SNX18: variants seen among roughly 807,000 people sequenced by gnomAD.
The protein encoded by SNX18 is sorting nexin 18.
SNX18 carries 35 observed loss-of-function variants against 48.7 expected under a neutral mutation model. The observed-to-expected ratio is 0.72, with a 90% CI of 0.55 to 0.95. The LOEUF (loss-of-function observed/expected upper bound fraction) is 0.95, where lower values mean the gene tolerates loss of function less well. Among genes scored for constraint, SNX18 ranks in the 40% least tolerant of loss-of-function variants. The probability of loss-of-function intolerance (pLI) is 0.00; values close to 1 mark genes in which losing one functional copy is unlikely to be tolerated. For synonymous variants in SNX18, 492 were observed against 384.7 expected, an observed-to-expected ratio of 1.28 and a Z score of -3.26; for missense variants, 824 against 871.0, an observed-to-expected ratio of 0.95 and a Z score of 0.68.
the SNX18 span, among the ~76,000 whole-genome samples, chr5:54,584,213 G>A: frequency 1.3e-5 from 2 of 151,912 alleles, no homozygotes; most frequent in Non-Finnish European, 2.9e-5. Context: ...AGCACATCTG[G>A]TTAATTTTTT....
rs1048379768 is a variant in SNX18, at chr5:54,519,504, G to T, written c.1552G>T (p.Val518Phe). The T allele has an allele frequency of 6.2e-7, 1 of 1,614,218 alleles. No homozygotes were observed. Among genetic ancestry groups the T allele is most frequent in the Non-Finnish European group, 8.5e-7 (1 of 1,180,042 alleles). The change falls in exon 1 of 2, where the codon GTC becomes TTC. Residue 518 changes from valine to phenylalanine, a missense_variant. Coordinates refer to ENST00000381410, the MANE Select transcript of SNX18 (RefSeq NM_001102575.2). The stretch of plus-strand genomic sequence containing the variant: ...GCAGCCCAGGCAGGACCTGGATCCC[G>T]TCATGGACCTATTAGCGCTGTATCA... ...AEQPRQDLDP[V>F]MDLLALYQGH...
chr5:54,584,950 C>G, the SNX18 span, among the ~76,000 whole-genome samples: 1 of 152,138 alleles, frequency 6.6e-6, no homozygotes, highest in African/African-American at 2.4e-5. Context: ...ATGTGGCCGA[C>G]GTGTTTGCCA....
At chr5:54,529,410 A>G (rs1024959302) in intron 1 of SNX18, among the ~76,000 whole-genome samples, 9 of 152,178 alleles carry the variant, frequency 5.9e-5, no homozygotes, top group African/African-American at 2.2e-4. Context: ...TTGTATTTTT[A>G]AATGATTCTG....
the SNX18 span, among the ~76,000 whole-genome samples, chr5:54,604,962 C>G: frequency 6.6e-6 from 1 of 151,964 alleles, no homozygotes; most frequent in South Asian, 2.1e-4. Flanking sequence ...AAGCAGTCCC[C>G]GAATATGAAA....
the SNX18 span, among the ~76,000 whole-genome samples, chr5:54,580,959 C>T: frequency 2.6e-5 from 4 of 151,956 alleles, no homozygotes; most frequent in Non-Finnish European, 5.9e-5. Context: ...AGGGGTTCTT[C>T]AGAGAAGGGC....
At chr5:54,597,638 C>A in the SNX18 span, among the ~76,000 whole-genome samples, 1 of 152,186 alleles carries the variant, frequency 6.6e-6, no homozygotes, top group Non-Finnish European at 1.5e-5. Flanking sequence ...TCCTGAATGA[C>A]TCCTTAGTAA....
chr5:54,633,225 T>C, the SNX18 span, among the ~76,000 whole-genome samples: 1 of 152,166 alleles, frequency 6.6e-6, no homozygotes, highest in Non-Finnish European at 1.5e-5. Flanking sequence ...GAGTCCTTTG[T>C]CCTAGATCAG....
the SNX18 span, among the ~76,000 whole-genome samples, chr5:54,580,066 T>A: frequency 6.6e-6 from 1 of 151,950 alleles, no homozygotes; most frequent in African/African-American, 2.4e-5. Context: ...CTGAAGTGCA[T>A]TAGAGGGTGT....
the SNX18 span, among the ~76,000 whole-genome samples, chr5:54,647,578 G>A: frequency 6.6e-6 from 1 of 152,088 alleles, no homozygotes; most frequent in Non-Finnish European, 1.5e-5. Context: ...TGAGAGGAAG[G>A]GGAGGTAGGC....
At chr5:54,603,546 G>A in the SNX18 span, among the ~76,000 whole-genome samples, 1 of 152,228 alleles carries the variant, frequency 6.6e-6, no homozygotes, top group Admixed American at 6.5e-5. Flanking sequence ...ATTCCCAGAG[G>A]AAGATGATGT....
chr5:54,559,219 A>T, the SNX18 span, among the ~76,000 whole-genome samples: 1 of 152,208 alleles, frequency 6.6e-6, no homozygotes, highest in Non-Finnish European at 1.5e-5. Flanking sequence ...ACTAGATAAA[A>T]CTATTTTAAA....
chr5:54,560,313 G>T, the SNX18 span, among the ~76,000 whole-genome samples: 3 of 152,316 alleles, frequency 2.0e-5, no homozygotes, highest in South Asian at 2.1e-4. Flanking sequence ...ATGACATCAT[G>T]TCCTTTGCAG....
At chr5:54,626,639 T>C in the SNX18 span, among the ~76,000 whole-genome samples, 2 of 152,254 alleles carry the variant, frequency 1.3e-5, no homozygotes, top group African/African-American at 4.8e-5. Context: ...TCTAGAGACA[T>C]ATTTGGTTGT....
the SNX18 span, among the ~76,000 whole-genome samples, chr5:54,562,274 C>T: frequency 1.3e-5 from 2 of 152,092 alleles, no homozygotes; most frequent in South Asian, 4.1e-4. Flanking sequence ...GTCTTCAGAA[C>T]CTTTTCTTAA....
chr5:54,587,105 G>C, the SNX18 span, among the ~76,000 whole-genome samples: 4 of 151,800 alleles, frequency 2.6e-5, no homozygotes, highest in African/African-American at 4.8e-5. Flanking sequence ...GGGATATTCA[G>C]CTTTTGGGGA....
the SNX18 span, among the ~76,000 whole-genome samples, chr5:54,607,541 C>T: frequency 6.6e-6 from 1 of 152,126 alleles, no homozygotes; most frequent in Non-Finnish European, 1.5e-5. Flanking sequence ...AATTTGTTGC[C>T]TGTATAGTAT....
rs1337025950 is a variant in SNX18 at position 54,518,205 on chromosome 5, G to T, written c.253G>T (p.Gly85Cys). 3 of 1,398,214 alleles carry T rather than the reference G, an allele frequency of 2.1e-6. No individual in the cohort carries two copies. Among genetic ancestry groups the T allele is most frequent in the Non-Finnish European group, 1.8e-6 (2 of 1,086,020 alleles). 86.6% of individuals were successfully genotyped at this position (1,398,214 alleles called of 1,614,324 possible). A position where few individuals can be genotyped will look rare whatever the true frequency, so the allele number is the denominator to read the frequency against. ...PARYANVPPG[G>C]FEPLPVAPPA... is the part of the protein sequence containing the mutation. The stretch of plus-strand genomic sequence containing the variant: ...CCGCTACGCCAATGTGCCCCCCGGG[G>T]GCTTCGAGCCCCTGCCTGTCGCGCC... Residue 85 changes from glycine (G) to cysteine (C), a missense_variant, in exon 1 of 2, where the codon GGC becomes TGC. Around this residue, in one of 3 missense-constraint regions of SNX18, gnomAD observed 377 missense variants for 350.6 expected, o/e 1.08. Coordinates refer to ENST00000381410, the MANE Select transcript of SNX18 (RefSeq NM_001102575.2).
chr5:54,600,092 G>A, the SNX18 span, among the ~76,000 whole-genome samples: 4 of 152,104 alleles, frequency 2.6e-5, no homozygotes, highest in Admixed American at 2.0e-4. Flanking sequence ...TCCAACAAAG[G>A]TCTAATATCC....
chr5:54,634,483 C>G, the SNX18 span, among the ~76,000 whole-genome samples: 5 of 152,096 alleles, frequency 3.3e-5, no homozygotes, highest in South Asian at 1.0e-3. Context: ...GAATGTGGCC[C>G]AACACAATTT....
Sources: gnomAD v4.1 joint callset for allele counts (sites outside exome capture counted in the v4.1 genomes callset) on GRCh38, gnomAD v4.1.1 for gene constraint, gnomAD v4.1.1 regional missense constraint, MANE v1.5 for transcripts, NCBI Gene and HGNC (gene_info 2026-07-23, HGNC 2026-07-21) for gene names.